The following ARHGAP32 variants were observed in gnomAD, a reference collection of about 807,000 sequenced individuals.
The protein encoded by ARHGAP32 is rho GTPase-activating protein 32.
A neutral mutation model predicts 186.5 loss-of-function variants in ARHGAP32; 51 were observed. The ratio of observed to expected loss-of-function variants is 0.27; its 90% confidence interval spans 0.22 to 0.35. The LOEUF (loss-of-function observed/expected upper bound fraction) is 0.35. ARHGAP32 is among the 10% of genes least tolerant of loss of function. The pLI is 1.00. For synonymous variants in ARHGAP32, 950 were observed against 964.3 expected (o/e 0.99, Z 0.27); for missense variants, 2,186 against 2,623.5 (o/e 0.83, Z 3.64).
intron 12 of ARHGAP32, among the ~76,000 whole-genome samples, chr11:128,994,513 C>T (rs930063902): frequency 6.6e-6 from 1 of 151,864 alleles, no homozygotes; most frequent in Non-Finnish European, 1.5e-5. Flanking sequence ...TGGTGTTAAA[C>T]GTGCCATGTT....
At chr11:129,116,634 T>C (rs1942377558) in intron 5 of ARHGAP32, among the ~76,000 whole-genome samples, 1 of 152,042 alleles carries the variant, frequency 6.6e-6, no homozygotes, top group Admixed American at 6.6e-5. Flanking sequence ...TGAAAATATG[T>C]ACAAGTTAAT....
At position 129,123,354 on chromosome 11, in the gene ARHGAP32, C is replaced by A; in HGVS notation, c.444+92G>T. ...TAAAAAAAAAACTACTTCAAAGTGT[C>A]ATCTATTAGATACAGATATATAGAT... On this transcript the variant is annotated intron_variant, in intron 5 of 22. Transcript: ENST00000682385. The surrounding 1 kb of genome is among the most constrained non-coding windows in gnomAD (Gnocchi z 4.6). 1.9e-6 allele frequency: 2 copies of A among 1,032,046 alleles called. No homozygotes were observed. Among genetic ancestry groups the A allele is most frequent in the Non-Finnish European group, 2.8e-6 (2 of 710,778 alleles). The allele number at this position is 1,032,046 out of a possible 1,614,324, so 63.9% of individuals were successfully genotyped here. A position where few individuals can be genotyped will look rare whatever the true frequency, so the allele number is the denominator to read the frequency against.
intron 10 of ARHGAP32, among the ~76,000 whole-genome samples, chr11:129,060,313 A>G (rs1282313054): frequency 6.6e-6 from 1 of 152,016 alleles, no homozygotes; most frequent in Non-Finnish European, 1.5e-5. Flanking sequence ...AAAAAAAGCA[A>G]ATGACTTCCC....
chr11:129,221,948 T>C (rs1944718295), intron 1 of ARHGAP32, among the ~76,000 whole-genome samples: 1 of 152,118 alleles, frequency 6.6e-6, no homozygotes, highest in Admixed American at 6.6e-5. Context: ...AAGACCTCAC[T>C]GAGTCACTGG....
chr11:129,049,542 C>T (rs1939952020), intron 10 of ARHGAP32, among the ~76,000 whole-genome samples: 1 of 152,168 alleles, frequency 6.6e-6, no homozygotes, highest in Admixed American at 6.5e-5. Flanking sequence ...CCCTATCCTC[C>T]CATCACTGCT....
rs944021134 is a variant in ARHGAP32, at chr11:128,971,433, T to C, written c.4054-274A>G. 27 of 387,204 alleles carry C rather than the reference T, an allele frequency of 7.0e-5. No individual in the cohort carries two copies. In the Admixed American group the frequency reaches 8.7e-4, roughly 12 times the overall value. The allele number at this position is 387,204 out of a possible 1,614,324, so 24.0% of individuals were successfully genotyped here. A position where few individuals can be genotyped will look rare whatever the true frequency, so the allele number is the denominator to read the frequency against. Reference sequence around the variant, plus strand: ...GATGAGGTTGCCTATGGCATAATTTTAATATACAAACCAAAAGAGAGGTTT... The same window carrying C: ...GATGAGGTTGCCTATGGCATAATTTCAATATACAAACCAAAAGAGAGGTTT... On this transcript the variant is annotated intron_variant, in intron 22 of 22. Coordinates refer to ENST00000682385, the MANE Select transcript of ARHGAP32 (RefSeq NM_001378024.1).
chr11:129,203,774 C>T (rs1194941044), intron 1 of ARHGAP32, among the ~76,000 whole-genome samples: 3 of 148,380 alleles, frequency 2.0e-5, no homozygotes, highest in East Asian at 2.0e-4. Flanking sequence ...TGGTGGTGCA[C>T]GCCTGTAATC....
At chr11:129,155,485 T>C (rs1943381660) in intron 2 of ARHGAP32, among the ~76,000 whole-genome samples, 1 of 152,176 alleles carries the variant, frequency 6.6e-6, no homozygotes. Flanking sequence ...TATGCACTCA[T>C]TACAATATTC....
intron 2 of ARHGAP32, among the ~76,000 whole-genome samples, chr11:129,145,319 ATATAT>A (rs1943146203): frequency 1.6e-5 from 2 of 121,298 alleles, no homozygotes; most frequent in Admixed American, 1.6e-4. Flanking sequence ...ATATTTAAAG[ATATAT>A]TATAAATATA....
At chr11:129,144,454 T>C (rs567710632) in intron 2 of ARHGAP32, among the ~76,000 whole-genome samples, 14 of 152,130 alleles carry the variant, frequency 9.2e-5, no homozygotes, top group Non-Finnish European at 2.1e-4. Context: ...ACTTCACATA[T>C]AAGAAAACTC....
At chr11:129,088,582 C>T (rs1941478953) in intron 6 of ARHGAP32, among the ~76,000 whole-genome samples, 1 of 152,008 alleles carries the variant, frequency 6.6e-6, no homozygotes, top group Non-Finnish European at 1.5e-5. Context: ...CCTTCTCAAT[C>T]AATCAATCAA....
At chr11:129,168,476 C>T (rs938451106) in intron 1 of ARHGAP32, among the ~76,000 whole-genome samples, 4 of 152,074 alleles carry the variant, frequency 2.6e-5, no homozygotes, top group African/African-American at 9.7e-5. Context: ...AATTTATATG[C>T]AATAAGTTGT....
At chr11:129,001,400 C>T (rs1290311281) in intron 11 of ARHGAP32, among the ~76,000 whole-genome samples, 1 of 152,214 alleles carries the variant, frequency 6.6e-6, no homozygotes, top group Admixed American at 6.5e-5. Flanking sequence ...CACCTACTTG[C>T]CATTTGTATG....
At chr11:129,067,471 A>G (rs1940731086) in intron 6 of ARHGAP32, among the ~76,000 whole-genome samples, 1 of 152,028 alleles carries the variant, frequency 6.6e-6, no homozygotes, top group African/African-American at 2.4e-5. Context: ...TCTTCTCTTG[A>G]ATCTATCACT....
chr11:129,142,147 A>G (rs942140833), intron 2 of ARHGAP32, among the ~76,000 whole-genome samples: 1 of 152,202 alleles, frequency 6.6e-6, no homozygotes, highest in African/African-American at 2.4e-5. Flanking sequence ...CTATCTGAAC[A>G]GTAGTGGAGA....
intron 1 of ARHGAP32, among the ~76,000 whole-genome samples, chr11:129,259,838 A>G (rs991650860): frequency 6.6e-6 from 1 of 152,184 alleles, no homozygotes; most frequent in African/African-American, 2.4e-5. Flanking sequence ...TTCTTCTGAG[A>G]CCAGTAAGAA....
chr11:129,247,869 A>T (rs1945121999), intron 1 of ARHGAP32, among the ~76,000 whole-genome samples: 1 of 152,222 alleles, frequency 6.6e-6, no homozygotes, highest in Non-Finnish European at 1.5e-5. Flanking sequence ...AATGAAATTC[A>T]GTCAATGGAA....
Position 129,063,940 on chromosome 11 carries a change from T to G in ARHGAP32, c.847A>C (p.Arg283=). 6.2e-7 allele frequency: 1 copy of G among 1,612,852 alleles called. No homozygotes were observed. The highest frequency in any genetic ancestry group is 1.1e-5 in the South Asian group (1 of 90,954). ...PAVGAAHVIK[R]YTARAPDELT... is the part of the protein sequence containing the mutation. ...TCGTCAGGGGCCCGAGCAGTGTACC[T>G]CTTGATAACATGGGCAGCACCGACA... Residue 283 remains arginine, a synonymous_variant, in exon 9 of 23, where the codon AGG becomes CGG. Coordinates refer to ENST00000682385, the MANE Select transcript of ARHGAP32 (RefSeq NM_001378024.1).
intron 2 of ARHGAP32, among the ~76,000 whole-genome samples, chr11:129,131,844 C>A (rs1232596322): frequency 6.6e-6 from 1 of 152,104 alleles, no homozygotes; most frequent in Non-Finnish European, 1.5e-5. Flanking sequence ...GTGGGGATAA[C>A]CCTTGGTATT....
Sources: gnomAD v4.1 joint callset for allele counts (sites outside exome capture counted in the v4.1 genomes callset) on GRCh38, gnomAD v4.1.1 for gene constraint, Gnocchi (gnomAD v3.1) non-coding constraint, MANE v1.5 for transcripts, NCBI Gene and HGNC (gene_info 2026-07-23, HGNC 2026-07-21) for gene names.